SHOX: variants seen among roughly 807,000 people sequenced by gnomAD.
The protein encoded by SHOX is short stature homeobox protein.
Under a neutral mutation model 29.6 loss-of-function variants are expected in SHOX, and 12 were observed. That is an observed-to-expected ratio of 0.41 (90% CI 0.26 to 0.66). The LOEUF is 0.66. Among genes scored for constraint, SHOX ranks in the 30% least tolerant of loss-of-function variants. The pLI is 0.35. For synonymous variants in SHOX, 214 were observed against 200.6 expected (o/e 1.07, Z -0.57); for missense variants, 499 against 437.7 (o/e 1.14, Z -1.25).
At chrX:635,624 G>A (rs1279440477) in intron 2 of SHOX, among the ~76,000 whole-genome samples, 1 of 152,216 alleles carries the variant, frequency 6.6e-6, no homozygotes, top group Admixed American at 6.5e-5. Context: ...GCTGCCCCAT[G>A]AGACCAGGCA....
chrX:644,419 T>C lies in SHOX; in HGVS notation c.662T>C (p.Val221Ala). 5.9e-6 allele frequency: 9 copies of C among 1,521,602 alleles called. No individual in the cohort carries two copies. Among genetic ancestry groups the C allele is most frequent in the Non-Finnish European group, 7.9e-6 (9 of 1,142,252 alleles). The allele number at this position is 1,521,602 out of a possible 1,614,324, so 94.3% of individuals were successfully genotyped here. The stretch of plus-strand genomic sequence containing the variant: ...CAGGCTCAGCTGCAGCTGGAAGGCG[T>C]GGCCCACGCGCACCCGCACCTGCAC... Reference protein sequence around the residue: ...QVQAQLQLEGVAHAHPHLHPH... With the variant: ...QVQAQLQLEGAAHAHPHLHPH... The change falls in exon 5 of 5, where the codon GTG becomes GCG. Residue 221 changes from valine (V) to alanine (A), a missense_variant. Physicochemically the swap from Val to Ala is moderately conservative, Grantham distance 64. Coordinates refer to ENST00000686671, the MANE Select transcript of SHOX (RefSeq NM_000451.4).
chrX:644,227 AG>A, intron 4 of SHOX, 163 bp from the exon 5 acceptor site: 1 of 574,280 alleles, frequency 1.7e-6, no homozygotes, highest in Non-Finnish European at 2.2e-6. Context: ...ATTCTGGGCC[AG>A]GGGGAAGGAG....
chrX:650,604 C>T lies in SHOX; in HGVS notation c.*5968C>T, dbSNP rs771712503. 2.0e-5 allele frequency among the ~76,000 whole-genome samples: 3 copies of T among 151,414 alleles called. No individual in the cohort carries two copies. Among genetic ancestry groups the T allele is most frequent in the South Asian group, 4.2e-4 (2 of 4,782 alleles). On this transcript the variant is annotated 3_prime_UTR_variant, in exon 5 of 5. Coordinates refer to ENST00000686671, the MANE Select transcript of SHOX (RefSeq NM_000451.4). ...GCTGACCTTTCTAACATTTGTTTTC[C>T]CCTAAGAACAAGCAGAAGCCTCCAG...
At chrX:632,723 C>G (rs1276914048) in intron 1 of SHOX, among the ~76,000 whole-genome samples, 3 of 152,166 alleles carry the variant, frequency 2.0e-5, no homozygotes, top group Non-Finnish European at 4.4e-5. Flanking sequence ...AGGCAGGAGC[C>G]CAGCCTGCCT....
rs1041655715 is a variant in SHOX at position 650,792 on chromosome X, TAAAAAAAA to T, written c.*6176_*6183del. 4.5e-4 allele frequency among the ~76,000 whole-genome samples: 23 copies of T among 50,832 alleles called. 1 individual carries two copies. The South Asian group carries it at 0.021, about 46-fold the overall frequency. 33.3% of individuals were successfully genotyped at this position (50,832 alleles called of 152,430 possible). On this transcript the variant is annotated 3_prime_UTR_variant, in exon 5 of 5. Transcript: ENST00000686671. The stretch of plus-strand genomic sequence containing the variant: ...GGCTTTCGGTGGACACGTTTGACAT[TAAAAAAAA>T]AAAAAAAAAAAAAAAAAAACTGGTG...
chrX:630,739 G>C, upstream of SHOX: 2 of 901,326 alleles, frequency 2.2e-6, no homozygotes, highest in African/African-American at 1.7e-5. Flanking sequence ...CAGCGCATGG[G>C]GGGCTGGGCG....
chrX:637,428 G>A (rs1603286510), intron 2 of SHOX, among the ~76,000 whole-genome samples: 2 of 151,598 alleles, frequency 1.3e-5, no homozygotes, highest in African/African-American at 4.9e-5. Flanking sequence ...TATTACCGAC[G>A]AGAGCACGTT....
At chrX:658,822 T>A in exon 6 of SHOX, 1 of 411,112 alleles carries the variant, frequency 2.4e-6, no homozygotes, top group Non-Finnish European at 4.8e-6. Flanking sequence ...TGGAGTATAA[T>A]GGCATGATCT....
At chrX:655,946 G>A (rs1236344347), downstream of SHOX, among the ~76,000 whole-genome samples, 3 of 151,438 alleles carry the variant, frequency 2.0e-5, no homozygotes, top group Non-Finnish European at 4.4e-5. Context: ...GGGAGGCTGA[G>A]GCAGGAGGAT....
At chrX:638,203 C>G (rs2052789794) in intron 2 of SHOX, among the ~76,000 whole-genome samples, 1 of 152,130 alleles carries the variant, frequency 6.6e-6, no homozygotes, top group Admixed American at 6.5e-5. Context: ...CACTCCAAGA[C>G]TGATTTATTA....
chrX:650,624 C>T lies in SHOX; in HGVS notation c.*5988C>T, dbSNP rs994171647. On this transcript the variant is annotated 3_prime_UTR_variant, in exon 5 of 5. Transcript: ENST00000686671. ...TTTTCCCCTAAGAACAAGCAGAAGC[C>T]TCCAGCTCCCTTTAGCTCCACAGTT... Among the ~76,000 whole-genome samples the T allele has an allele frequency of 1.3e-5, 2 of 151,424 alleles. No homozygotes were observed. Among genetic ancestry groups the T allele is most frequent in the Non-Finnish European group, 2.9e-5 (2 of 67,926 alleles).
downstream of SHOX, among the ~76,000 whole-genome samples, chrX:655,297 C>T (rs1176504911): frequency 2.8e-4 from 42 of 151,524 alleles, no homozygotes; most frequent in Middle Eastern, 3.4e-3. Flanking sequence ...TTAGTAGAGA[C>T]GGGATTTCAC....
intron 1 of SHOX, chrX:624,730 T>TTTCTTTCTTTCTTTCTTTC (rs1314932555): frequency 6.9e-6 from 1 of 145,904 alleles, no homozygotes; most frequent in Non-Finnish European, 1.5e-5. Flanking sequence ...TCTTTCTTTC[T>TTTCTTTCTTTCTTTCTTTC]TTCTTTCTTT....
At chrX:630,024 C>A (rs2052618609), upstream of SHOX, among the ~76,000 whole-genome samples, 2 of 152,002 alleles carry the variant, frequency 1.3e-5, no homozygotes, top group Non-Finnish European at 2.9e-5. Flanking sequence ...CGGGATCTGG[C>A]GCGGGCGGAA....
At position 631,063 on chromosome X, in the gene SHOX, C is replaced by T. The variant is rs2052639053; in HGVS notation, c.166C>T (p.Leu56Phe). 6.2e-7 allele frequency: 1 copy of T among 1,613,854 alleles called. No individual in the cohort carries two copies. The highest frequency in any genetic ancestry group is 1.3e-5 in the African/African-American group (1 of 75,058). The change falls in exon 1 of 5, where the codon CTC (leucine) becomes TTC (phenylalanine). Residue 56 changes from leucine to phenylalanine, a missense_variant. Coordinates refer to ENST00000686671, the MANE Select transcript of SHOX (RefSeq NM_000451.4). ...GGAGCTGGGGACGTCGGATTCCAGCCTCCAGGACATCACGGAGGGCGGCGG... is the reference window on the plus strand; with the variant it reads ...GGAGCTGGGGACGTCGGATTCCAGCTTCCAGGACATCACGGAGGGCGGCGG... ...SRELGTSDSSLQDITEGGGHC... is the reference protein window; with the variant it reads ...SRELGTSDSSFQDITEGGGHC...
rs2053168163 is a variant in SHOX, at chrX:657,803, T to A, written c.634-982T>A. 1.3e-5 allele frequency among the ~76,000 whole-genome samples: 2 copies of A among 152,194 alleles called. 1 individual carries two copies. Among genetic ancestry groups the A allele is most frequent in the South Asian group, 4.1e-4 (2 of 4,828 alleles). On this transcript the variant is annotated intron_variant, in intron 5 of 5. Transcript: ENST00000334060. ...ATGTCACCCATGCAAATTATGTGTT[T>A]GAATGGAACACATTCAGGAAGCTAA...
intron 1 of SHOX, among the ~76,000 whole-genome samples, chrX:632,177 GC>G (rs2052663050): frequency 6.6e-6 from 1 of 152,086 alleles, no homozygotes. Context: ...GGGGAAGCTG[GC>G]GGCTTCGCGG....
chrX:638,910 G>A (rs2124178634), intron 2 of SHOX, among the ~76,000 whole-genome samples: 1 of 152,320 alleles, frequency 6.6e-6, no homozygotes, highest in South Asian at 2.1e-4. Flanking sequence ...TGCCTTGTGG[G>A]TCAAGGTGCA....
In SHOX at chrX:631,221, G is replaced by T. The variant is rs370013396; in HGVS notation, c.277+47G>T. The T allele has an allele frequency of 3.0e-5, 48 of 1,607,176 alleles. No homozygotes were observed. The African/African-American group carries it at 4.1e-4, about 14-fold the overall frequency. On this transcript the variant is annotated intron_variant, in intron 1 of 4. Coordinates refer to ENST00000686671, the MANE Select transcript of SHOX (RefSeq NM_000451.4). ...CTCCAGGGGGGCCCTCCTGGGGTTCGGCGCCTCCTCGCCACGGAGTCGGCC... is the reference window on the plus strand; with the variant it reads ...CTCCAGGGGGGCCCTCCTGGGGTTCTGCGCCTCCTCGCCACGGAGTCGGCC...
Sources: allele counts gnomAD v4.1 joint callset (sites outside exome capture counted in the v4.1 genomes callset), GRCh38; gene constraint gnomAD v4.1.1; transcripts MANE v1.5; gene names NCBI Gene and HGNC (gene_info 2026-07-23, HGNC 2026-07-21).